USP8: variants seen among roughly 807,000 people sequenced by gnomAD.
The protein encoded by USP8 is ubiquitin carboxyl-terminal hydrolase 8.
Under a neutral mutation model 130.0 loss-of-function variants are expected in USP8, and 27 were observed. The observed-to-expected ratio is 0.21, with a 90% CI of 0.15 to 0.29. The LOEUF (loss-of-function observed/expected upper bound fraction) is 0.29, where lower values mean the gene tolerates loss of function less well. Among genes scored for constraint, USP8 ranks in the 10% least tolerant of loss-of-function variants. The pLI is 1.00. For missense variants in USP8, 1,029 were observed against 1,312.2 expected (o/e 0.78, Z 3.33); for synonymous variants, 392 against 444.1 (o/e 0.88, Z 1.48).
chr15:50,513,857 AGCAGTAT>A lies in USP8; in HGVS notation c.*14771_*14777del, dbSNP rs1345664114. ...GTACAGTCGCTTTGGAAAGCTACTG[AGCAGTAT>A]GTACTAAAGCCAGACATATGCGTAT... is the stretch of plus-strand genomic sequence containing the variant. On this transcript the variant is annotated 3_prime_UTR_variant, in exon 20 of 20. Transcript: ENST00000307179. 6.6e-6 allele frequency: 1 copy of A among 152,196 alleles called. No individual in the cohort carries two copies. Among genetic ancestry groups the A allele is most frequent in the Admixed American group, 6.5e-5 (1 of 15,278 alleles). The allele number at this position is 152,196 out of a possible 1,614,324, so 9.4% of individuals were successfully genotyped here. A position where few individuals can be genotyped will look rare whatever the true frequency, so the allele number is the denominator to read the frequency against.
intron 18 of USP8, 66 bp from the exon 19 acceptor site, chr15:50,498,530 T>A (rs2052500116): frequency 6.7e-7 from 1 of 1,481,734 alleles, no homozygotes; most frequent in African/African-American, 1.4e-5. Context: ...AATCTAGATG[T>A]TAATGAATGA....
At chr15:50,428,599 ATAAC>A (rs925363564) in intron 1 of USP8, among the ~76,000 whole-genome samples, 1 of 152,208 alleles carries the variant, frequency 6.6e-6, no homozygotes, top group African/African-American at 2.4e-5. Context: ...ATTAACAACA[ATAAC>A]TAATAATAAA....
At chr15:50,495,078 T>C (rs1482361875) in intron 16 of USP8, among the ~76,000 whole-genome samples, 1 of 151,278 alleles carries the variant, frequency 6.6e-6, no homozygotes, top group Non-Finnish European at 1.5e-5. Flanking sequence ...CTAGTTATTA[T>C]AAAGGCATGT....
chr15:50,452,788 C>T (rs1391585895), intron 4 of USP8, among the ~76,000 whole-genome samples: 2 of 152,170 alleles, frequency 1.3e-5, no homozygotes, highest in Non-Finnish European at 2.9e-5. Context: ...AGAAAATTAA[C>T]ATTTACAAAC....
intron 2 of USP8, among the ~76,000 whole-genome samples, chr15:50,440,281 A>G (rs1036573529): frequency 6.6e-6 from 1 of 152,350 alleles, no homozygotes; most frequent in African/African-American, 2.4e-5. Flanking sequence ...ATTCCTTTCT[A>G]GTAATGTCTG....
intron 3 of USP8, among the ~76,000 whole-genome samples, chr15:50,446,700 G>A (rs1388349356): frequency 6.6e-6 from 1 of 152,172 alleles, no homozygotes; most frequent in Non-Finnish European, 1.5e-5. Flanking sequence ...GTATATTTAG[G>A]CTTTAGAAGA....
In USP8 at chr15:50,503,023, G is replaced by A. The variant is rs2052613013; in HGVS notation, c.*3935G>A. 1 of 152,146 alleles carries A rather than the reference G, an allele frequency of 6.6e-6. No individual in the cohort carries two copies. The highest frequency in any genetic ancestry group is 6.6e-5 in the Admixed American group (1 of 15,262). 9.4% of individuals were successfully genotyped at this position (152,146 alleles called of 1,614,324 possible). Reference sequence around the variant, plus strand: ...GTCTTCCCCACCTCTCTCCTTACAGGTAATAGAAATATCTGAAATTCACAT... The same window carrying A: ...GTCTTCCCCACCTCTCTCCTTACAGATAATAGAAATATCTGAAATTCACAT... On this transcript the variant is annotated 3_prime_UTR_variant, in exon 20 of 20. Coordinates refer to ENST00000307179, the MANE Select transcript of USP8 (RefSeq NM_005154.5).
Position 50,507,351 on chromosome 15 carries a change from T to C in USP8, c.*8263T>C, listed in dbSNP as rs1237481826. The C allele has an allele frequency of 6.6e-6, 1 of 152,144 alleles. No homozygotes were observed. The highest frequency in any genetic ancestry group is 1.9e-4 in the East Asian group (1 of 5,198). 9.4% of individuals were successfully genotyped at this position (152,144 alleles called of 1,614,324 possible). ...TATAACATTTAGAACTCAGAAAAGG[T>C]GTATTTCCCTTGAGCATCATGTTGG... is the stretch of plus-strand genomic sequence containing the variant. On this transcript the variant is annotated 3_prime_UTR_variant, in exon 20 of 20. Coordinates refer to ENST00000307179, the MANE Select transcript of USP8 (RefSeq NM_005154.5).
In USP8 at chr15:50,506,957, CAAAAAAAAAAAAAAA is replaced by C. The variant is rs58329541; in HGVS notation, c.*7888_*7902del. 30 of 46,228 alleles carry C rather than the reference CAAAAAAAAAAAAAAA, an allele frequency of 6.5e-4. No individual in the cohort carries two copies. Among genetic ancestry groups the C allele is most frequent in the East Asian group, 3.5e-3 (4 of 1,156 alleles). The allele number at this position is 46,228 out of a possible 1,614,324, so 2.9% of individuals were successfully genotyped here. A position where few individuals can be genotyped will look rare whatever the true frequency, so the allele number is the denominator to read the frequency against. ...TGGGCGACAGAGCGAGACTTCATCTCAAAAAAAAAAAAAAAAAAAAAAAAAAAAAAAAATCCAGTT... is the reference window on the plus strand; with the variant it reads ...TGGGCGACAGAGCGAGACTTCATCTCAAAAAAAAAAAAAAAAAATCCAGTT... On this transcript the variant is annotated 3_prime_UTR_variant, in exon 20 of 20. Transcript: ENST00000307179.
At position 50,464,970 on chromosome 15, in the gene USP8, G is replaced by A. The variant is rs111436375; in HGVS notation, c.542-77G>A. On this transcript the variant is annotated intron_variant, in intron 6 of 19. Coordinates refer to ENST00000307179, the MANE Select transcript of USP8 (RefSeq NM_005154.5). Reference sequence around the variant, plus strand: ...TATACTTTGCTCTTCTAGAAAAAGCGGTTTGTCCTGTGTTTTGTGATGTCA... The same window carrying A: ...TATACTTTGCTCTTCTAGAAAAAGCAGTTTGTCCTGTGTTTTGTGATGTCA... 2.7e-4 allele frequency: 414 copies of A among 1,534,510 alleles called. 2 individuals are homozygous for A. The African/African-American group carries it at 5.0e-3, about 18-fold the overall frequency.
At chr15:50,424,741 T>G (rs896456659) in intron 1 of USP8, 4 of 372,758 alleles carry the variant, frequency 1.1e-5, no homozygotes, top group African/African-American at 8.3e-5. Context: ...TCGTGTGTTT[T>G]TTTGGTTTTA....
intron 18 of USP8, 136 bp from the exon 19 acceptor site, chr15:50,498,460 C>T (rs2052497499): frequency 8.7e-7 from 1 of 1,144,576 alleles, no homozygotes; most frequent in Non-Finnish European, 1.2e-6. Context: ...TTAACAGGTT[C>T]CTCTACTACT....
chr15:50,435,727 T>C (rs1036487887), intron 1 of USP8, among the ~76,000 whole-genome samples: 10 of 152,232 alleles, frequency 6.6e-5, no homozygotes, highest in Admixed American at 5.2e-4. Context: ...GAAACAACTA[T>C]GGTTTTTAAT....
intron 4 of USP8, 49 bp from the exon 5 acceptor site, chr15:50,458,951 C>T: frequency 1.2e-6 from 2 of 1,603,760 alleles, no homozygotes; most frequent in Non-Finnish European, 1.7e-6. Context: ...CCTTTAATTT[C>T]CACGATTAAC....
At chr15:50,424,994 AT>A (rs149856410) in intron 1 of USP8, among the ~76,000 whole-genome samples, 50,072 of 148,292 alleles carry the variant, frequency 0.34, 8,680 homozygotes, top group Admixed American at 0.46. Flanking sequence ...CAAATAGAAG[AT>A]TTTTTTTTTT....
chr15:50,454,825 GGCCGAAGTGCAGTGGCATGATCCCA>G (rs1288826221), intron 4 of USP8, among the ~76,000 whole-genome samples: 6 of 151,994 alleles, frequency 3.9e-5, no homozygotes, highest in African/African-American at 1.4e-4. Flanking sequence ...CTGTTGCCCA[GGCCGAAGTGCAGTGGCATGATCCCA>G]GCTCACTGCA....
At chr15:50,496,724 CAAAT>C (rs1016770958) in intron 17 of USP8, among the ~76,000 whole-genome samples, 1 of 152,118 alleles carries the variant, frequency 6.6e-6, no homozygotes, top group African/African-American at 2.4e-5. Context: ...ATGGGGATAT[CAAAT>C]AAATATCCTG....
At chr15:50,452,212 C>T (rs563564053) in intron 4 of USP8, among the ~76,000 whole-genome samples, 7 of 152,316 alleles carry the variant, frequency 4.6e-5, no homozygotes, top group Middle Eastern at 3.4e-3. Flanking sequence ...TTCATGGACA[C>T]CTCTCATAAC....
Position 50,471,547 on chromosome 15 carries a change from CTG to C in USP8, c.687-83_687-82del, listed in dbSNP as rs139447020. 1,318 of 1,462,146 alleles carry C rather than the reference CTG, an allele frequency of 9.0e-4. 11 individuals are homozygous for C. The African/African-American group carries it at 0.016, about 18-fold the overall frequency. The allele number at this position is 1,462,146 out of a possible 1,614,324, so 90.6% of individuals were successfully genotyped here. A position where few individuals can be genotyped will look rare whatever the true frequency, so the allele number is the denominator to read the frequency against. ...AAAATTTGCTATGGTGTGGTAAAGA[CTG>C]TGGAACAAAACTGAGTGTCTTCTGT... On this transcript the variant is annotated intron_variant, in intron 7 of 19. Transcript: ENST00000307179.
Sources: allele counts gnomAD v4.1 joint callset (sites outside exome capture counted in the v4.1 genomes callset), GRCh38; gene constraint gnomAD v4.1.1; transcripts MANE v1.5; gene names NCBI Gene and HGNC (gene_info 2026-07-23, HGNC 2026-07-21).